Variants in IL20RB observed in about 807,000 individuals in gnomAD.
The protein encoded by IL20RB is interleukin 20 receptor subunit beta, also known as interleukin-20 receptor subunit beta.
Under a neutral mutation model 33.3 loss-of-function variants are expected in IL20RB, and 21 were observed. The ratio of observed to expected loss-of-function variants is 0.63; its 90% confidence interval spans 0.45 to 0.91. IL20RB has a LOEUF of 0.91. Among genes scored for constraint, IL20RB ranks in the 40% least tolerant of loss-of-function variants. The pLI is 0.00. For missense variants in IL20RB, 345 were observed against 384.8 expected (o/e 0.90, Z 0.86); for synonymous variants, 147 against 146.8 (o/e 1.00, Z -0.01).
intron 2 of IL20RB, among the ~76,000 whole-genome samples, chr3:136,981,342 A>G (rs1251418432): frequency 6.6e-6 from 1 of 152,172 alleles, no homozygotes; most frequent in African/African-American, 2.4e-5. Flanking sequence ...TAGGTGTTCA[A>G]TAGCCACATG....
At chr3:136,976,877 T>C (rs1941631634) in intron 1 of IL20RB, among the ~76,000 whole-genome samples, 1 of 152,164 alleles carries the variant, frequency 6.6e-6, no homozygotes, top group Non-Finnish European at 1.5e-5. Flanking sequence ...TACTGGCAGC[T>C]CCCTATGTAT....
intron 6 of IL20RB, among the ~76,000 whole-genome samples, chr3:137,001,889 T>A (rs1942250532): frequency 6.6e-6 from 1 of 152,104 alleles, no homozygotes; most frequent in African/African-American, 2.4e-5. Flanking sequence ...AACTCATCAT[T>A]TACACTAGGT....
intron 1 of IL20RB, among the ~76,000 whole-genome samples, chr3:136,971,696 A>T (rs1160094118): frequency 3.3e-5 from 5 of 152,172 alleles, no homozygotes; most frequent in Admixed American, 1.3e-4. Flanking sequence ...ATAGTATTCC[A>T]TTGTGTATAT....
intron 6 of IL20RB, among the ~76,000 whole-genome samples, chr3:137,000,020 T>C (rs1942209802): frequency 6.6e-6 from 1 of 152,238 alleles, no homozygotes; most frequent in Admixed American, 6.5e-5. Flanking sequence ...TTATTTGGTG[T>C]AGGTCACATT....
intron 1 of IL20RB, among the ~76,000 whole-genome samples, chr3:136,969,927 C>G (rs576367445): frequency 6.6e-6 from 1 of 151,984 alleles, no homozygotes; most frequent in Non-Finnish European, 1.5e-5. Flanking sequence ...TTGCCCAGCC[C>G]TGAAGATTTT....
intron 1 of IL20RB, among the ~76,000 whole-genome samples, chr3:136,958,602 GAC>G (rs779844631): frequency 5.3e-5 from 8 of 152,116 alleles, no homozygotes; most frequent in Non-Finnish European, 8.8e-5. Flanking sequence ...TGAATAAAAA[GAC>G]AATTTGTGAG....
chr3:136,975,311 C>T (rs1577015768), intron 1 of IL20RB, among the ~76,000 whole-genome samples: 1 of 151,982 alleles, frequency 6.6e-6, no homozygotes, highest in African/African-American at 2.4e-5. Context: ...TCATTGGCTA[C>T]AGCATTTGGC....
intron 6 of IL20RB, among the ~76,000 whole-genome samples, chr3:136,998,005 G>C (rs1942164739): frequency 6.6e-6 from 1 of 151,848 alleles, no homozygotes; most frequent in African/African-American, 2.4e-5. Flanking sequence ...CCTGACCTCA[G>C]GTGATCCACC....
At chr3:136,981,299 A>AATTAAATTAAATTAAATTAC (rs1941768792) in intron 2 of IL20RB, among the ~76,000 whole-genome samples, 2 of 152,126 alleles carry the variant, frequency 1.3e-5, no homozygotes, top group Non-Finnish European at 2.9e-5. Context: ...AATTAAATTA[A>AATTAAATTAAATTAAATTAC]AATGTCTGTT....
intron 1 of IL20RB, among the ~76,000 whole-genome samples, chr3:136,960,847 G>T (rs1455714448): frequency 1.3e-5 from 2 of 152,222 alleles, no homozygotes; most frequent in Non-Finnish European, 2.9e-5. Context: ...AGGAAATAAA[G>T]AAGATGGTGC....
Position 137,001,406 on chromosome 3 carries a change from T to A in IL20RB, c.825+5850T>A, listed in dbSNP as rs77695366. 6.3e-3 allele frequency among the ~76,000 whole-genome samples: 961 copies of A among 152,356 alleles called. 10 individuals carry two copies. Among genetic ancestry groups the A allele is most frequent in the African/African-American group, 0.022 (916 of 41,588 alleles). On this transcript the variant is annotated intron_variant, in intron 6 of 6. Coordinates refer to ENST00000329582, the MANE Select transcript of IL20RB (RefSeq NM_144717.4). The stretch of plus-strand genomic sequence containing the variant: ...TGAGAAGCAGATCACTAGCGTCCAT[T>A]GAATCCCGCACAAATTCTTGAGCTG...
intron 6 of IL20RB, among the ~76,000 whole-genome samples, chr3:137,007,550 G>A (rs1261533164): frequency 6.6e-6 from 1 of 152,222 alleles, no homozygotes; most frequent in Non-Finnish European, 1.5e-5. Context: ...TCAGACTGCT[G>A]CGCTAGCAGT....
intron 1 of IL20RB, among the ~76,000 whole-genome samples, chr3:136,960,741 G>A (rs1941196566): frequency 6.6e-6 from 1 of 152,170 alleles, no homozygotes; most frequent in Admixed American, 6.5e-5. Flanking sequence ...TTTGATGATG[G>A]TTTGGTCTGC....
intron 3 of IL20RB, among the ~76,000 whole-genome samples, chr3:136,985,396 G>A (rs959072431): frequency 6.7e-6 from 1 of 148,860 alleles, no homozygotes; most frequent in East Asian, 2.0e-4. Context: ...GGAGTGTAAT[G>A]GCATGATCTT....
At chr3:137,007,161 T>C (rs1252119414) in intron 6 of IL20RB, among the ~76,000 whole-genome samples, 1 of 152,126 alleles carries the variant, frequency 6.6e-6, no homozygotes, top group Non-Finnish European at 1.5e-5. Flanking sequence ...CTCTGGAAGC[T>C]TTGTCGCAGA....
chr3:137,004,337 A>G (rs973288530), intron 6 of IL20RB, among the ~76,000 whole-genome samples: 1 of 152,214 alleles, frequency 6.6e-6, no homozygotes, highest in African/African-American at 2.4e-5. Context: ...TTCAGAAGGA[A>G]TGGTACCAGC....
At chr3:136,995,024 C>T (rs1485248570) in intron 5 of IL20RB, among the ~76,000 whole-genome samples, 2 of 152,230 alleles carry the variant, frequency 1.3e-5, no homozygotes, top group Non-Finnish European at 2.9e-5. Context: ...TCAGTTACCG[C>T]CCAGCCCCAT....
At chr3:137,005,351 T>C (rs1048973028) in intron 6 of IL20RB, among the ~76,000 whole-genome samples, 4 of 152,194 alleles carry the variant, frequency 2.6e-5, no homozygotes, top group Non-Finnish European at 5.9e-5. Flanking sequence ...ATCTGTCTCA[T>C]ATTGACAGTA....
intron 1 of IL20RB, among the ~76,000 whole-genome samples, chr3:136,975,619 G>A (rs775388213): frequency 7.2e-5 from 11 of 152,336 alleles, no homozygotes; most frequent in Admixed American, 5.9e-4. Flanking sequence ...TTACAGGCAT[G>A]AGCCGCTGCA....
Sources: allele counts gnomAD v4.1 joint callset (sites outside exome capture counted in the v4.1 genomes callset), GRCh38; gene constraint gnomAD v4.1.1; transcripts MANE v1.5; gene names NCBI Gene and HGNC (gene_info 2026-07-23, HGNC 2026-07-21).